TBC1D5: variants seen among roughly 807,000 people sequenced by gnomAD.
The protein encoded by TBC1D5 is TBC1 domain family member 5.
Under a neutral mutation model 100.3 loss-of-function variants are expected in TBC1D5, and 75 were observed. The observed-to-expected ratio is 0.75, with a 90% CI of 0.62 to 0.91. The LOEUF is 0.91. Among genes scored for constraint, TBC1D5 ranks in the 40% least tolerant of loss-of-function variants. The pLI, the probability that TBC1D5 is intolerant of heterozygous loss-of-function variation, is 0.00. For missense variants in TBC1D5, 910 were observed against 942.4 expected (o/e 0.97, Z 0.45); for synonymous variants, 323 against 325.6 (o/e 0.99, Z 0.09).
At chr3:17,705,980 A>G (rs1428615160) in intron 1 of TBC1D5, 6 of 1,358,814 alleles carry the variant, frequency 4.4e-6, no homozygotes, top group Non-Finnish European at 5.9e-6. Context: ...GCATTTCTTT[A>G]CTCTTTTTTT....
chr3:17,426,561 T>A (rs868541709), intron 4 of TBC1D5, among the ~76,000 whole-genome samples: 1 of 152,092 alleles, frequency 6.6e-6, no homozygotes, highest in African/African-American at 2.4e-5. Context: ...CATTACAACA[T>A]TGATTTTTAA....
At chr3:17,283,234 G>A (rs1054450932) in intron 15 of TBC1D5, among the ~76,000 whole-genome samples, 1 of 152,238 alleles carries the variant, frequency 6.6e-6, no homozygotes, top group African/African-American at 2.4e-5. Flanking sequence ...TTGAGATTAT[G>A]TGGTCCAGTT....
At chr3:17,709,170 T>G (rs2074460287) in intron 1 of TBC1D5, among the ~76,000 whole-genome samples, 1 of 152,194 alleles carries the variant, frequency 6.6e-6, no homozygotes, top group African/African-American at 2.4e-5. Flanking sequence ...TTCAAGAGAA[T>G]ACAAAGAGTT....
intron 4 of TBC1D5, among the ~76,000 whole-genome samples, chr3:17,426,276 C>T (rs1189497327): frequency 2.6e-5 from 4 of 151,866 alleles, no homozygotes; most frequent in Non-Finnish European, 5.9e-5. Context: ...TGCAACAATC[C>T]CTAGATTTTG....
chr3:17,173,761 G>A (rs2067404481), intron 19 of TBC1D5, among the ~76,000 whole-genome samples: 1 of 152,088 alleles, frequency 6.6e-6, no homozygotes. Flanking sequence ...TCTCATATAA[G>A]GGACTGTAGT....
intron 2 of TBC1D5, among the ~76,000 whole-genome samples, chr3:17,533,434 G>A (rs573319690): frequency 3.3e-5 from 5 of 152,234 alleles, no homozygotes; most frequent in South Asian, 4.1e-4. Context: ...TAATATGGGG[G>A]GATGGAAGGA....
chr3:17,176,000 T>C (rs1048279428), intron 19 of TBC1D5, among the ~76,000 whole-genome samples: 1 of 152,226 alleles, frequency 6.6e-6, no homozygotes, highest in Non-Finnish European at 1.5e-5. Flanking sequence ...AGATGGGTTT[T>C]GTGGCTATTG....
chr3:17,197,118 GATAACTCTCCTCCACCACTTCA>G (rs1375428539), intron 18 of TBC1D5, among the ~76,000 whole-genome samples: 3 of 152,146 alleles, frequency 2.0e-5, no homozygotes, highest in Non-Finnish European at 4.4e-5. Flanking sequence ...ATTCCATCCA[GATAACTCTCCTCCACCACTTCA>G]CAGTGACTCA....
chr3:17,581,618 C>T (rs2096697422), intron 2 of TBC1D5, among the ~76,000 whole-genome samples: 1 of 152,176 alleles, frequency 6.6e-6, no homozygotes, highest in Non-Finnish European at 1.5e-5. Context: ...CAAATCCAAT[C>T]CATTAGCAAA....
chr3:17,502,803 T>C (rs2095801156), intron 3 of TBC1D5, among the ~76,000 whole-genome samples: 1 of 149,480 alleles, frequency 6.7e-6, no homozygotes, highest in Admixed American at 6.6e-5. Context: ...CAGACCTAAC[T>C]AGTCAACTCA....
intron 1 of TBC1D5, among the ~76,000 whole-genome samples, chr3:17,648,272 A>G (rs1433205287): frequency 6.6e-6 from 1 of 152,214 alleles, no homozygotes; most frequent in Admixed American, 6.5e-5. Context: ...ATGACTAGCC[A>G]TATATAGATG....
At chr3:17,277,756 G>C (rs546818670) in intron 15 of TBC1D5, among the ~76,000 whole-genome samples, 1 of 152,288 alleles carries the variant, frequency 6.6e-6, no homozygotes, top group South Asian at 2.1e-4. Context: ...TGCAAGAAAG[G>C]CAAGGGCAAG....
intron 1 of TBC1D5, among the ~76,000 whole-genome samples, chr3:17,735,781 G>T (rs1379334961): frequency 1.3e-5 from 2 of 152,204 alleles, no homozygotes; most frequent in East Asian, 3.9e-4. Context: ...GGATCTGGAG[G>T]GGTGGAAGTC....
intron 3 of TBC1D5, among the ~76,000 whole-genome samples, chr3:17,474,148 A>C (rs2095411504): frequency 6.6e-6 from 1 of 152,148 alleles, no homozygotes; most frequent in Non-Finnish European, 1.5e-5. Context: ...CAAAGTGTGC[A>C]CTCATCCAAA....
chr3:17,391,918 G>A (rs1285443782), intron 8 of TBC1D5, among the ~76,000 whole-genome samples: 2 of 152,118 alleles, frequency 1.3e-5, no homozygotes, highest in Non-Finnish European at 2.9e-5. Flanking sequence ...GTTACTTATA[G>A]TAGAATGAAA....
intron 1 of TBC1D5, among the ~76,000 whole-genome samples, chr3:17,663,839 T>C (rs532904472): frequency 1.3e-5 from 2 of 152,306 alleles, no homozygotes; most frequent in South Asian, 4.1e-4. Flanking sequence ...ATCTATATAA[T>C]AACAGAATGT....
At chr3:17,497,510 CAGTTATTATT>C (rs1209659603) in intron 3 of TBC1D5, among the ~76,000 whole-genome samples, 2 of 152,210 alleles carry the variant, frequency 1.3e-5, no homozygotes, top group African/African-American at 4.8e-5. Context: ...CCCTAAGATT[CAGTTATTATT>C]ACTGAATTTT....
At chr3:17,665,219 C>A (rs1414873985) in intron 1 of TBC1D5, among the ~76,000 whole-genome samples, 1 of 152,074 alleles carries the variant, frequency 6.6e-6, no homozygotes, top group East Asian at 1.9e-4. Flanking sequence ...TGAGAAGCAG[C>A]CTCCTACTTA....
At chr3:17,261,294 G>A (rs1449366641) in intron 15 of TBC1D5, among the ~76,000 whole-genome samples, 1 of 152,044 alleles carries the variant, frequency 6.6e-6, no homozygotes, top group Admixed American at 6.5e-5. Flanking sequence ...TAGGTAACAG[G>A]TTCAAATCAT....
Sources: allele counts gnomAD v4.1 joint callset (sites outside exome capture counted in the v4.1 genomes callset), GRCh38; gene constraint gnomAD v4.1.1; transcripts MANE v1.5; gene names NCBI Gene and HGNC (gene_info 2026-07-23, HGNC 2026-07-21).